The following PTPN21 variants were observed in gnomAD, a reference collection of about 807,000 sequenced individuals.
The protein encoded by PTPN21 is tyrosine-protein phosphatase non-receptor type 21.
A neutral mutation model predicts 131.8 loss-of-function variants in PTPN21; 77 were observed. The observed-to-expected ratio is 0.58, with a 90% CI of 0.49 to 0.71. The LOEUF is 0.71. PTPN21 is among the 30% of genes least tolerant of loss of function. The pLI is 0.00. For synonymous variants in PTPN21, 715 were observed against 621.3 expected, an observed-to-expected ratio of 1.15 and a Z score of -2.24; for missense variants, 1,552 against 1,527.1, an observed-to-expected ratio of 1.02 and a Z score of -0.27.
chr14:88,517,030 A>G, intron 3 of PTPN21, 62 bp downstream of exon 3: 1 of 1,558,800 alleles, frequency 6.4e-7, no homozygotes. Flanking sequence ...CTTCAACCTT[A>G]GTTTCACTTT....
chr14:88,550,851 C>A (rs1034198496), intron 1 of PTPN21, among the ~76,000 whole-genome samples: 2 of 152,166 alleles, frequency 1.3e-5, no homozygotes, highest in Non-Finnish European at 2.9e-5. Flanking sequence ...ACTGGGCCAT[C>A]CTCAGGATTA....
chr14:88,472,131 AAAAT>A, intron 15 of PTPN21, 109 bp downstream of exon 15: 1 of 674,170 alleles, frequency 1.5e-6, no homozygotes, highest in East Asian at 2.7e-5. Context: ...CAATACAATA[AAAAT>A]AAATTTTAAA....
Position 88,479,817 on chromosome 14 carries a change from G to A in PTPN21, c.1614C>T (p.Ser538=), listed in dbSNP as rs143395642. ...GCTGCGCATTGGTCAGCTCCGGCACGCTGACCGCGCCCACCACGGGCCGCC... is the reference window on the plus strand; with the variant it reads ...GCTGCGCATTGGTCAGCTCCGGCACACTGACCGCGCCCACCACGGGCCGCC... ...AERRPVVGAV[S]VPELTNAQLQ... is the part of the protein sequence containing the mutation. The change falls in exon 13 of 19, where the codon AGC becomes AGT. Residue 538 remains serine (S), a synonymous_variant. Transcript: ENST00000556564. 2 of 1,547,574 alleles carry A rather than the reference G, an allele frequency of 1.3e-6. No individual in the cohort carries two copies. Among genetic ancestry groups the A allele is most frequent in the Admixed American group, 1.8e-5 (1 of 55,570 alleles).
At chr14:88,475,366 G>A (rs576822008) in intron 13 of PTPN21, among the ~76,000 whole-genome samples, 1 of 152,234 alleles carries the variant, frequency 6.6e-6, no homozygotes, top group East Asian at 1.9e-4. Context: ...AAGCTAAGTG[G>A]ATTAATTTTT....
rs1375100995 is a variant in PTPN21, at chr14:88,472,318, A to G, written c.2797T>C (p.Tyr933His). ...ACCAACTCCACTCTCACATCATCAT[A>G]AGGAAGAACATCTTGGAATCGATTT... is the stretch of plus-strand genomic sequence containing the variant. ...ERNRFQDVLPYDDVRVELVPT... is the reference protein window; with the variant it reads ...ERNRFQDVLPHDDVRVELVPT... The change falls in exon 15 of 19, where the codon TAT becomes CAT. Residue 933 changes from tyrosine to histidine, a missense_variant. Around this residue, in one of 4 missense-constraint regions of PTPN21, gnomAD observed 316 missense variants for 378.5 expected, o/e 0.83. Coordinates refer to ENST00000556564, the MANE Select transcript of PTPN21 (RefSeq NM_007039.4). 1.2e-6 allele frequency: 2 copies of G among 1,613,862 alleles called. No individual in the cohort carries two copies. The highest frequency in any genetic ancestry group is 1.7e-6 in the Non-Finnish European group (2 of 1,179,778).
chr14:88,479,631 G>A lies in PTPN21; in HGVS notation c.1800C>T (p.His600=), dbSNP rs145819801. ...CCTCCTGGAACGTTTGCACCGAGTG[G>A]TGCACGCGCCGCGTGATGAGGTCGG... ...SNPDLITRRV[H]HSVQTFQEDS... The change falls in exon 13 of 19, where the codon CAC becomes CAT. Residue 600 remains histidine (H), a synonymous_variant. Coordinates refer to ENST00000556564, the MANE Select transcript of PTPN21 (RefSeq NM_007039.4). 8 of 1,569,200 alleles carry A rather than the reference G, an allele frequency of 5.1e-6. No individual in the cohort carries two copies. The South Asian group carries it at 9.2e-5, about 18-fold the overall frequency.
intron 2 of PTPN21, among the ~76,000 whole-genome samples, chr14:88,542,675 G>A (rs1226443385): frequency 6.6e-6 from 1 of 152,174 alleles, no homozygotes; most frequent in African/African-American, 2.4e-5. Flanking sequence ...GTTTGTATGT[G>A]TAATTTCCAT....
At chr14:88,493,987 A>G (rs149690755) in intron 10 of PTPN21, among the ~76,000 whole-genome samples, 85 of 152,310 alleles carry the variant, frequency 5.6e-4, no homozygotes, top group Non-Finnish European at 9.8e-4. Flanking sequence ...TCTGTCCTCA[A>G]GCACTGCTCT....
chr14:88,484,973 G>T, intron 12 of PTPN21, 103 bp downstream of exon 12: 1 of 875,270 alleles, frequency 1.1e-6, no homozygotes, highest in Non-Finnish European at 1.9e-6. Flanking sequence ...AATTTGGGGT[G>T]CAACTTCAGC....
intron 2 of PTPN21, among the ~76,000 whole-genome samples, chr14:88,519,005 A>T (rs2078348875): frequency 1.3e-5 from 2 of 152,134 alleles, no homozygotes; most frequent in South Asian, 4.2e-4. Flanking sequence ...ACACACACAC[A>T]CACACAGAGT....
At chr14:88,531,485 A>T (rs1431874016) in intron 2 of PTPN21, among the ~76,000 whole-genome samples, 1 of 152,156 alleles carries the variant, frequency 6.6e-6, no homozygotes, top group Non-Finnish European at 1.5e-5. Flanking sequence ...TGAACCAGGG[A>T]GGCAGGGGTT....
At chr14:88,484,874 G>A (rs1399372565) in intron 12 of PTPN21, among the ~76,000 whole-genome samples, 2 of 132,612 alleles carry the variant, frequency 1.5e-5, no homozygotes, top group Non-Finnish European at 3.3e-5. Flanking sequence ...GTGACACATT[G>A]AGACTCTGTC....
At chr14:88,508,953 A>G (rs1056807312) in intron 3 of PTPN21, among the ~76,000 whole-genome samples, 28 of 152,222 alleles carry the variant, frequency 1.8e-4, no homozygotes, top group African/African-American at 6.5e-4. Flanking sequence ...TCTCCAAATT[A>G]GTATTCTGCA....
At chr14:88,495,259 C>G (rs2077892989) in intron 10 of PTPN21, among the ~76,000 whole-genome samples, 1 of 152,100 alleles carries the variant, frequency 6.6e-6, no homozygotes, top group South Asian at 2.1e-4. Flanking sequence ...CAAGTTCTGC[C>G]AGCTCTACCT....
rs1462642161 is a variant in PTPN21 at position 88,469,146 on chromosome 14, A to C, written c.3236-70T>G. The C allele has an allele frequency of 6.7e-7, 1 of 1,490,582 alleles. No individual in the cohort carries two copies. The highest frequency in any genetic ancestry group is 9.1e-7 in the Non-Finnish European group (1 of 1,096,320). 92.3% of individuals were successfully genotyped at this position (1,490,582 alleles called of 1,614,324 possible). On this transcript the variant is annotated intron_variant, in intron 17 of 18. Coordinates refer to ENST00000556564, the MANE Select transcript of PTPN21 (RefSeq NM_007039.4). The surrounding 1 kb of genome is among the most constrained non-coding windows in gnomAD (Gnocchi z 4.3). ...GTATCACATTGTTGACTCAATCTTC[A>C]TATTCTCTCCACTGATTAAGAGGAC...
At position 88,517,151 on chromosome 14, in the gene PTPN21, G is replaced by A; in HGVS notation, c.291C>T (p.Val97=). 1 of 1,614,060 alleles carries A rather than the reference G, an allele frequency of 6.2e-7. No homozygotes were observed. Among genetic ancestry groups the A allele is most frequent in the Non-Finnish European group, 8.5e-7 (1 of 1,179,986 alleles). Residue 97 remains valine (V), a synonymous_variant, in exon 3 of 19, where the codon GTC becomes GTT. Coordinates refer to ENST00000556564, the MANE Select transcript of PTPN21 (RefSeq NM_007039.4). ...GCACATAAAACACCACTCCAAAATA[G>A]ACGGTAGGTTCCAATGCATATTTAT... ...QLDKYALEPT[V]YFGVVFYVPS... is the part of the protein sequence containing the mutation.
At chr14:88,532,869 A>G (rs967637828) in intron 2 of PTPN21, among the ~76,000 whole-genome samples, 1 of 152,220 alleles carries the variant, frequency 6.6e-6, no homozygotes, top group African/African-American at 2.4e-5. Flanking sequence ...AGAAACAAAT[A>G]ACTCCAAACA....
At chr14:88,514,652 C>T (rs1436577601) in intron 3 of PTPN21, among the ~76,000 whole-genome samples, 3 of 151,818 alleles carry the variant, frequency 2.0e-5, no homozygotes, top group South Asian at 4.2e-4. Context: ...TTAGTAGAGA[C>T]GGCGTTTCTC....
At chr14:88,486,977 CAAA>C (rs1198956976) in intron 10 of PTPN21, among the ~76,000 whole-genome samples, 1 of 54,616 alleles carries the variant, frequency 1.8e-5, no homozygotes. Context: ...ATTCTAGCCT[CAAA>C]AAAAAAAAAA....
Sources: gnomAD v4.1 joint callset for allele counts (sites outside exome capture counted in the v4.1 genomes callset) on GRCh38, gnomAD v4.1.1 for gene constraint, gnomAD v4.1.1 regional missense constraint, Gnocchi (gnomAD v3.1) non-coding constraint, MANE v1.5 for transcripts, NCBI Gene and HGNC (gene_info 2026-07-23, HGNC 2026-07-21) for gene names.